The following PDCD10 variants were observed in gnomAD, a reference collection of about 807,000 sequenced individuals.
The protein encoded by PDCD10 is programmed cell death protein 10.
In PDCD10, 4 loss-of-function variants were observed where a neutral mutation model predicts 29.2. The ratio of observed to expected loss-of-function variants is 0.14; its 90% CI spans 0.07 to 0.31. The LOEUF is 0.31. Among genes scored for constraint, PDCD10 ranks in the 10% least tolerant of loss-of-function variants. The pLI is 1.00. For missense variants in PDCD10, 183 were observed against 257.9 expected, an observed-to-expected ratio of 0.71 and a Z score of 1.99; for synonymous variants, 70 against 82.2, an observed-to-expected ratio of 0.85 and a Z score of 0.80.
chr3:167,725,782 T>C (rs1310105318), intron 2 of PDCD10, among the ~76,000 whole-genome samples: 1 of 103,888 alleles, frequency 9.6e-6, no homozygotes, highest in Non-Finnish European at 1.8e-5. Context: ...TATATATATA[T>C]ATATATATAT....
intron 5 of PDCD10, among the ~76,000 whole-genome samples, chr3:167,696,431 G>A (rs1720815506): frequency 6.6e-6 from 1 of 152,100 alleles, no homozygotes; most frequent in Non-Finnish European, 1.5e-5. Context: ...CATGGAATCA[G>A]TTAAAATACC....
intron 3 of PDCD10, among the ~76,000 whole-genome samples, chr3:167,716,081 C>T (rs930506750): frequency 1.3e-5 from 2 of 151,488 alleles, no homozygotes; most frequent in East Asian, 1.9e-4. Context: ...GAGAACTATT[C>T]GGCCATAAAA....
intron 8 of PDCD10, 56 bp from the exon 9 acceptor site, chr3:167,684,445 A>G: frequency 1.0e-6 from 1 of 955,128 alleles, no homozygotes; most frequent in Non-Finnish European, 1.7e-6. Flanking sequence ...CACCCTTTTA[A>G]GATTTATACT....
At chr3:167,725,342 T>A (rs986620771) in intron 2 of PDCD10, 3 of 149,560 alleles carry the variant, frequency 2.0e-5, no homozygotes, top group Admixed American at 6.7e-5. Flanking sequence ...GTATAGATGG[T>A]AGTCTGGCCA....
chr3:167,686,918 C>T (rs1204128911), intron 8 of PDCD10, among the ~76,000 whole-genome samples: 1 of 152,178 alleles, frequency 6.6e-6, no homozygotes, highest in African/African-American at 2.4e-5. Flanking sequence ...GTCACACCCC[C>T]TTGTTTGTAC....
intron 6 of PDCD10, among the ~76,000 whole-genome samples, chr3:167,689,988 T>C (rs1186300965): frequency 6.6e-6 from 1 of 152,186 alleles, no homozygotes; most frequent in East Asian, 1.9e-4. Context: ...AGAGAGTTTG[T>C]TTCCTACGAG....
At position 167,687,252 on chromosome 3, in the gene PDCD10, GT is replaced by G; in HGVS notation, c.538del (p.Thr180ArgfsTer9). ...TACTTACTTGCCATCTTTAAAATAC[GT>G]TTTCAGAGTATCACTGAAACTTTTG... ...YSKSFSDTLK[T>X]YFKDGKAINV... is the part of the protein sequence containing the mutation. On this transcript the variant is annotated frameshift_variant, in exon 8 of 9. Coordinates refer to ENST00000392750, the MANE Select transcript of PDCD10 (RefSeq NM_007217.4). LOFTEE classifies it high-confidence loss of function. 1 of 1,551,520 alleles carries G rather than the reference GT, an allele frequency of 6.4e-7. No homozygotes were observed. Among genetic ancestry groups the G allele is most frequent in the Non-Finnish European group, 8.9e-7 (1 of 1,123,874 alleles).
intron 3 of PDCD10, among the ~76,000 whole-genome samples, chr3:167,717,719 T>C (rs1323548830): frequency 6.6e-6 from 1 of 152,046 alleles, no homozygotes; most frequent in Non-Finnish European, 1.5e-5. Flanking sequence ...CATCTCCATA[T>C]CAAAGAGGAA....
intron 4 of PDCD10, among the ~76,000 whole-genome samples, chr3:167,700,327 T>C (rs1721264325): frequency 6.6e-6 from 1 of 152,162 alleles, no homozygotes; most frequent in African/African-American, 2.4e-5. Flanking sequence ...TCTCATCGTG[T>C]TTAGTGCAAT....
chr3:167,696,221 G>A (rs2108406009), intron 5 of PDCD10, among the ~76,000 whole-genome samples: 1 of 152,034 alleles, frequency 6.6e-6, no homozygotes, highest in East Asian at 1.9e-4. Flanking sequence ...ACACATTTTT[G>A]AAATCTCACT....
chr3:167,684,435 C>A, intron 8 of PDCD10, 46 bp from the exon 9 acceptor site: 2 of 1,140,516 alleles, frequency 1.8e-6, no homozygotes, highest in South Asian at 1.2e-5. Flanking sequence ...CCAAAAAATT[C>A]ACCCTTTTAA....
rs1459543622 is a variant in PDCD10 at position 167,683,932 on chromosome 3, A to G, written c.*376T>C. 7 of 198,684 alleles carry G rather than the reference A, an allele frequency of 3.5e-5. No individual in the cohort carries two copies. In the South Asian group the frequency reaches 5.2e-4, roughly 15 times the overall value. 12.3% of individuals were successfully genotyped at this position (198,684 alleles called of 1,614,324 possible). ...TTAACAGATGTAAACTATTTATTGA[A>G]TATTTGCCACCAAATATTGTTAAAT... is the stretch of plus-strand genomic sequence containing the variant. On this transcript the variant is annotated 3_prime_UTR_variant, in exon 9 of 9. Coordinates refer to ENST00000392750, the MANE Select transcript of PDCD10 (RefSeq NM_007217.4).
intron 4 of PDCD10, among the ~76,000 whole-genome samples, chr3:167,701,279 C>G (rs1050785183): frequency 6.6e-6 from 1 of 151,966 alleles, no homozygotes; most frequent in Non-Finnish European, 1.5e-5. Context: ...ATAGCTAGAT[C>G]TACAGATATC....
At chr3:167,720,021 G>T in intron 3 of PDCD10, 41 bp downstream of exon 3, 2 of 1,150,958 alleles carry the variant, frequency 1.7e-6, no homozygotes, top group Non-Finnish European at 2.6e-6. Context: ...AGGAATTAAA[G>T]AATTGCAGAG....
chr3:167,692,713 T>C (rs1357236322), intron 6 of PDCD10, among the ~76,000 whole-genome samples: 1 of 152,130 alleles, frequency 6.6e-6, no homozygotes, highest in Admixed American at 6.5e-5. Context: ...GGTCAAGAGA[T>C]CGAGACCATC....
intron 4 of PDCD10, among the ~76,000 whole-genome samples, chr3:167,699,074 A>C (rs1469459761): frequency 2.6e-5 from 4 of 152,174 alleles, no homozygotes; most frequent in African/African-American, 9.7e-5. Context: ...AACAATTTTT[A>C]CTCTGTTCTT....
chr3:167,715,097 C>A (rs1187874860), intron 3 of PDCD10, among the ~76,000 whole-genome samples: 3 of 151,380 alleles, frequency 2.0e-5, no homozygotes, highest in Non-Finnish European at 3.0e-5. Flanking sequence ...GAATAGAGAA[C>A]CCTGAAACAA....
At chr3:167,704,917 A>G in intron 3 of PDCD10, 22 bp from the exon 4 acceptor site, 2 of 1,506,782 alleles carry the variant, frequency 1.3e-6, no homozygotes, top group Non-Finnish European at 1.8e-6. Context: ...ATTTTAAATT[A>G]TTATGAATAT....
In PDCD10 at chr3:167,723,937, A is replaced by C. The variant is rs139728391; in HGVS notation, c.-116-3664T>G. On this transcript the variant is annotated intron_variant, in intron 2 of 8. Coordinates refer to ENST00000392750, the MANE Select transcript of PDCD10 (RefSeq NM_007217.4). ...TTTTTAACAGAAGATAATCAGCTTT[A>C]AATATCTTCCTGAGCTGAAGATAAT... 5.3e-5 allele frequency among the ~76,000 whole-genome samples: 8 copies of C among 152,348 alleles called. No homozygotes were observed. The East Asian group carries it at 1.5e-3, about 29-fold the overall frequency.
Sources: gnomAD v4.1 joint callset for allele counts (sites outside exome capture counted in the v4.1 genomes callset) on GRCh38, gnomAD v4.1.1 for gene constraint, MANE v1.5 for transcripts, NCBI Gene and HGNC (gene_info 2026-07-23, HGNC 2026-07-21) for gene names.